The following IL4I1 variants were observed in gnomAD, a reference collection of about 807,000 sequenced individuals.
The protein encoded by IL4I1 is interleukin 4 induced 1, also known as L-amino-acid oxidase.
A neutral mutation model predicts 29.7 loss-of-function variants in IL4I1; 24 were observed. The observed-to-expected ratio is 0.81, with a 90% CI of 0.59 to 1.14. IL4I1 has a LOEUF of 1.14. Among genes scored for constraint, IL4I1 ranks in the 50% most tolerant of loss-of-function variants. IL4I1 has a pLI of 0.00. For missense variants in IL4I1, 686 were observed against 785.6 expected (o/e 0.87, Z 1.52); for synonymous variants, 371 against 352.5 (o/e 1.05, Z -0.59).
rs1315856926 is a variant in IL4I1 at position 49,889,890 on chromosome 19, T to C, written c.1484A>G (p.Lys495Arg). The part of the protein sequence containing the change: ...YPHGWVETAV[K>R]SALRAAIKIN... ...CTTGATGGCGGCGCGCAGCGCCGAC[T>C]TGACCGCCGTCTCCACCCAGCCGTG... The change falls in exon 8 of 8, where the codon AAG (lysine) becomes AGG (arginine). Residue 495 changes from lysine to arginine, a missense_variant. By Grantham distance (26) the Lys-to-Arg change is conservative. Transcript: ENST00000391826. The C allele has an allele frequency of 6.2e-7, 1 of 1,607,320 alleles. No individual in the cohort carries two copies.
intron 7 of IL4I1, 34 bp downstream of exon 7, chr19:49,890,929 GCCCCCCGC>G: frequency 2.2e-6 from 1 of 454,452 alleles, no homozygotes; most frequent in Non-Finnish European, 3.5e-6. Context: ...TTCCCTGATT[GCCCCCCGC>G]CCCCCCCCCC....
At chr19:49,928,230 T>C (rs1268348532) in intron 1 of IL4I1, 1 of 152,198 alleles carries the variant, frequency 6.6e-6, no homozygotes, top group African/African-American at 2.4e-5. Flanking sequence ...TAATAAAATA[T>C]GCTGAGGCCG....
intron 3 of IL4I1, chr19:49,901,971 T>C (rs2075275719): frequency 3.5e-6 from 1 of 285,468 alleles, no homozygotes; most frequent in African/African-American, 2.2e-5. Flanking sequence ...TCTCACTGGA[T>C]TTATTTTAGA....
At chr19:49,891,272 T>C (rs1600464590) in intron 6 of IL4I1, 133 bp downstream of exon 6, 3 of 1,389,422 alleles carry the variant, frequency 2.2e-6, no homozygotes, top group East Asian at 2.3e-5. Context: ...AGGGGGCGTG[T>C]CCAGCCCCCG....
intron 2 of IL4I1, among the ~76,000 whole-genome samples, chr19:49,905,953 C>A (rs1444319448): frequency 6.6e-6 from 1 of 152,104 alleles, no homozygotes; most frequent in Non-Finnish European, 1.5e-5. Flanking sequence ...ACTTTTGGAA[C>A]CTGGGCCATG....
At chr19:49,902,461 C>A (rs1410915017) in intron 3 of IL4I1, among the ~76,000 whole-genome samples, 2 of 149,350 alleles carry the variant, frequency 1.3e-5, no homozygotes, top group African/African-American at 5.0e-5. Context: ...GCAGCCATTT[C>A]TTAATATCAT....
At position 49,889,744 on chromosome 19, in the gene IL4I1, C is replaced by T. The variant is rs780175916; in HGVS notation, c.1630G>A (p.Glu544Lys). 6.6e-7 allele frequency: 1 copy of T among 1,518,608 alleles called. No homozygotes were observed. Among genetic ancestry groups the T allele is most frequent in the Non-Finnish European group, 8.8e-7 (1 of 1,133,384 alleles). 94.1% of individuals were successfully genotyped at this position (1,518,608 alleles called of 1,614,324 possible). The change falls in exon 8 of 8, where the codon GAA becomes AAA. Residue 544 changes from glutamate (E) to lysine (K), a missense_variant. Physicochemically the swap from Glu to Lys is moderately conservative, Grantham distance 56. Transcript: ENST00000391826. ...ASSPSHDLAKEEGSHPPVQGQ... is the reference protein window; with the variant it reads ...ASSPSHDLAKKEGSHPPVQGQ... Reference sequence around the variant, plus strand: ...TGGACTGGAGGGTGGCTGCCTTCTTCCTTTGCCAGGTCATGCGAGGGGCTG... The same window carrying T: ...TGGACTGGAGGGTGGCTGCCTTCTTTCTTTGCCAGGTCATGCGAGGGGCTG...
upstream of IL4I1, among the ~76,000 whole-genome samples, chr19:49,899,015 T>G (rs904697642): frequency 4.6e-5 from 7 of 151,806 alleles, no homozygotes; most frequent in African/African-American, 1.7e-4. Context: ...GGTCTCAGAG[T>G]TTCATTCACA....
intron 1 of IL4I1, 116 bp downstream of exon 1, chr19:49,896,719 C>T: frequency 3.4e-6 from 2 of 596,138 alleles, no homozygotes; most frequent in Non-Finnish European, 4.2e-6. Flanking sequence ...CAGGCATGAG[C>T]CCCCGCGCCC....
In IL4I1 at chr19:49,895,076, G is replaced by A. The variant is rs767369284; in HGVS notation, c.357C>T (p.Ser119=). Residue 119 remains serine, a synonymous_variant, in exon 4 of 8, where the codon AGC becomes AGT. Transcript: ENST00000391826. ...IGELGAMRMP[S]SHRILHKLCQ... Reference sequence around the variant, plus strand: ...GTGGGTTGCTAGGTCACCTGTGAGAGCTGGGCATGCGCATGGCTCCCAGCT... The same window carrying A: ...GTGGGTTGCTAGGTCACCTGTGAGAACTGGGCATGCGCATGGCTCCCAGCT... 5 of 1,613,176 alleles carry A rather than the reference G, an allele frequency of 3.1e-6. No individual in the cohort carries two copies. The highest frequency in any genetic ancestry group is 2.7e-5 in the African/African-American group (2 of 74,854).
chr19:49,908,445 T>C, intron 2 of IL4I1: 1 of 1,614,160 alleles, frequency 6.2e-7, no homozygotes. Flanking sequence ...AGGTGCTCGA[T>C]GATGTCCTTG....
In IL4I1 at chr19:49,890,392, T is replaced by C; in HGVS notation, c.982A>G (p.Lys328Glu). The C allele has an allele frequency of 6.2e-7, 1 of 1,604,902 alleles. No individual in the cohort carries two copies. Among genetic ancestry groups the C allele is most frequent in the African/African-American group, 1.3e-5 (1 of 74,958 alleles). ...AGCGGCGGCGAGAAGGTGATGCGCT[T>C]CACCGCCGGTCCGCTCGCCGTCAGC... ...VLLTASGPAVKRITFSPPLPR... is the reference protein window; with the variant it reads ...VLLTASGPAVERITFSPPLPR... The change falls in exon 8 of 8, where the codon AAG (lysine) becomes GAG (glutamate). Residue 328 changes from lysine (K) to glutamate (E), a missense_variant. By Grantham distance (56) the Lys-to-Glu change is moderately conservative (BLOSUM62 1). Coordinates refer to ENST00000391826, the MANE Select transcript of IL4I1 (RefSeq NM_152899.2).
Position 49,889,905 on chromosome 19 carries a change from A to G in IL4I1, c.1469T>C (p.Val490Ala). 6.2e-7 allele frequency: 1 copy of G among 1,609,332 alleles called. No individual in the cohort carries two copies. Among genetic ancestry groups the G allele is most frequent in the Non-Finnish European group, 8.5e-7 (1 of 1,178,004 alleles). The change falls in exon 8 of 8, where the codon GTG becomes GCG. Residue 490 changes from valine (V) to alanine (A), a missense_variant. Transcript: ENST00000391826. ...GEHTAYPHGW[V>A]ETAVKSALRA... ...CAGCGCCGACTTGACCGCCGTCTCC[A>G]CCCAGCCGTGCGGGTAGGCGGTGTG...
upstream of IL4I1, chr19:49,896,924 C>T: frequency 1.0e-6 from 1 of 978,902 alleles, no homozygotes; most frequent in Non-Finnish European, 1.2e-6. Flanking sequence ...CTTAAACTGG[C>T]AGAGCCCCGC....
intron 2 of IL4I1, chr19:49,911,179 G>A (rs1414849876): frequency 1.3e-5 from 2 of 152,230 alleles, no homozygotes; most frequent in Non-Finnish European, 1.5e-5. Context: ...CAGGACTACA[G>A]GCGTGAGCCC....
At position 49,909,314 on chromosome 19, in the gene IL4I1, G is replaced by A. The variant is rs138821729; in HGVS notation, c.-227-4993C>T. On this transcript the variant is annotated intron_variant, in intron 2 of 9. Transcript: ENST00000341114. The stretch of plus-strand genomic sequence containing the variant: ...AATGTTGAAACCGGAGGGTTGGGCC[G>A]TGCTTCCACCAGTGAATGAGAAGCC... 1.7e-4 allele frequency: 282 copies of A among 1,614,000 alleles called. 1 individual carries two copies. The African/African-American group carries it at 3.3e-3, about 19-fold the overall frequency.
upstream of IL4I1, among the ~76,000 whole-genome samples, chr19:49,897,722 G>T (rs1452271447): frequency 6.6e-6 from 1 of 152,164 alleles, no homozygotes; most frequent in Admixed American, 6.5e-5. Context: ...GGAGTGGGTG[G>T]GGGTGGAGAA....
rs751490656 is a variant in IL4I1, at chr19:49,894,458, T to C, written c.377A>G (p.Lys126Arg). Residue 126 changes from lysine to arginine, a missense_variant, in exon 5 of 8, where the codon AAG becomes AGG. Coordinates refer to ENST00000391826, the MANE Select transcript of IL4I1 (RefSeq NM_152899.2). ...RMPSSHRILH[K>R]LCQGLGLNLT... The stretch of plus-strand genomic sequence containing the variant: ...GTTGAGCCCCAGGCCCTGGCAGAGC[T>C]TGTGGAGGATCCTGATCAGGGGAGT... The C allele has an allele frequency of 3.1e-6, 5 of 1,613,844 alleles. No homozygotes were observed. In the South Asian group the frequency reaches 5.5e-5, roughly 18 times the overall value.
rs899037417 is a variant in IL4I1, at chr19:49,889,863, A to G, written c.1511T>C (p.Ile504Thr). The stretch of plus-strand genomic sequence containing the variant: ...CGATGCAGGCCCCTTCCGGCTGTTG[A>G]TCTTGATGGCGGCGCGCAGCGCCGA... ...VKSALRAAIK[I>T]NSRKGPASDT... Residue 504 changes from isoleucine (I) to threonine (T), a missense_variant, in exon 8 of 8, where the codon ATC (isoleucine) becomes ACC (threonine). By Grantham distance (89) the Ile-to-Thr change is moderately conservative. Coordinates refer to ENST00000391826, the MANE Select transcript of IL4I1 (RefSeq NM_152899.2). 1 of 1,595,596 alleles carries G rather than the reference A, an allele frequency of 6.3e-7. No individual in the cohort carries two copies. Among genetic ancestry groups the G allele is most frequent in the East Asian group, 2.2e-5 (1 of 44,598 alleles).
Sources: gnomAD v4.1 joint callset for allele counts (sites outside exome capture counted in the v4.1 genomes callset) on GRCh38, gnomAD v4.1.1 for gene constraint, MANE v1.5 for transcripts, NCBI Gene and HGNC (gene_info 2026-07-23, HGNC 2026-07-21) for gene names.